Variants in DNAH7 observed in about 807,000 individuals in gnomAD.
DNAH7 encodes axonemal beta dynein heavy chain 7.
DNAH7 carries 397 observed loss-of-function variants against 444.6 expected under a neutral mutation model. The observed-to-expected ratio is 0.89, with a 90% CI of 0.82 to 0.97. The LOEUF is 0.97. DNAH7 is among the 50% of genes least tolerant of loss of function. The probability of loss-of-function intolerance (pLI) is 0.00; values close to 1 mark genes in which losing one functional copy is unlikely to be tolerated. For missense variants in DNAH7, 4,902 were observed against 4,800.8 expected, an observed-to-expected ratio of 1.02 and a Z score of -0.62; for synonymous variants, 1,636 against 1,624.4, an observed-to-expected ratio of 1.01 and a Z score of -0.17.
At chr2:195,803,773 T>C (rs1696583175) in intron 54 of DNAH7, among the ~76,000 whole-genome samples, 2 of 152,212 alleles carry the variant, frequency 1.3e-5, no homozygotes, top group Non-Finnish European at 2.9e-5. Context: ...GCTGATTAAT[T>C]TGCTGTTTGT....
intron 24 of DNAH7, among the ~76,000 whole-genome samples, chr2:195,912,779 T>G (rs1292342428): frequency 6.6e-6 from 1 of 152,166 alleles, no homozygotes; most frequent in African/African-American, 2.4e-5. Context: ...TTTCTCCCCT[T>G]CAACCTCCAA....
rs62623378 is a variant in DNAH7, at chr2:195,957,280, A to G, written c.3059T>C (p.Ile1020Thr). The G allele has an allele frequency of 0.098, 153,985 of 1,563,484 alleles. 8,409 individuals carry two copies. Among genetic ancestry groups the G allele is most frequent in the Middle Eastern group, 0.18 (985 of 5,404 alleles). ...ACCTACCTGCATGACACTTCTCATTATATCTCTCCATGTCTTATCCACAGC... is the reference window on the plus strand; with the variant it reads ...ACCTACCTGCATGACACTTCTCATTGTATCTCTCCATGTCTTATCCACAGC... ...FTAVDKTWRD[I>T]MRSVMQDKHV... Residue 1020 changes from isoleucine to threonine, a missense_variant, in exon 19 of 65, where the codon ATA (isoleucine) becomes ACA (threonine). Transcript: ENST00000312428.
intron 51 of DNAH7, among the ~76,000 whole-genome samples, chr2:195,812,560 T>C (rs1358014717): frequency 6.6e-6 from 1 of 151,010 alleles, no homozygotes; most frequent in Non-Finnish European, 1.5e-5. Flanking sequence ...TAAAATCTTA[T>C]AAATAACAGA....
chr2:196,056,718 G>T (rs1697832197), intron 2 of DNAH7, among the ~76,000 whole-genome samples: 1 of 152,184 alleles, frequency 6.6e-6, no homozygotes. Flanking sequence ...ATAGCCCATG[G>T]TTGTGTGGCC....
In DNAH7 at chr2:195,987,052, T is replaced by C. The variant is rs1692958309; in HGVS notation, c.1754+14A>G. 6.4e-7 allele frequency: 1 copy of C among 1,567,258 alleles called. No individual in the cohort carries two copies. The highest frequency in any genetic ancestry group is 8.6e-7 in the Non-Finnish European group (1 of 1,164,442). ...CCCTCCCAAAAAATAAAAAAACCAG[T>C]ATCACATAAATACCTTGTATTTACT... On this transcript the variant is annotated intron_variant, in intron 14 of 64. Transcript: ENST00000312428.
intron 5 of DNAH7, among the ~76,000 whole-genome samples, chr2:196,034,175 G>C (rs186487745): frequency 8.9e-4 from 136 of 152,206 alleles, no homozygotes; most frequent in African/African-American, 3.1e-3. Flanking sequence ...ACTTTTAAAA[G>C]CTCTAAAATA....
At chr2:195,985,241 T>C (rs1692827495) in intron 14 of DNAH7, among the ~76,000 whole-genome samples, 1 of 152,066 alleles carries the variant, frequency 6.6e-6, no homozygotes, top group Non-Finnish European at 1.5e-5. Flanking sequence ...CTAAGGGAGT[T>C]CAAATGAAAC....
intron 2 of DNAH7, among the ~76,000 whole-genome samples, chr2:196,051,564 G>A (rs556078590): frequency 3.3e-5 from 5 of 152,054 alleles, no homozygotes; most frequent in Non-Finnish European, 5.9e-5. Context: ...TCAGGAGATC[G>A]AGACCATCCT....
chr2:196,033,821 T>C (rs375045237), intron 5 of DNAH7, among the ~76,000 whole-genome samples: 2 of 152,224 alleles, frequency 1.3e-5, no homozygotes, highest in Non-Finnish European at 2.9e-5. Context: ...ATGAGATTGC[T>C]AGATCATATG....
chr2:195,814,053 G>A (rs13035759), intron 51 of DNAH7, among the ~76,000 whole-genome samples: 78,842 of 152,014 alleles, frequency 0.52, 21,270 homozygotes, highest in Non-Finnish European at 0.61. Context: ...GGGGGAGAGG[G>A]TTAGTGATCA....
intron 63 of DNAH7, among the ~76,000 whole-genome samples, chr2:195,743,931 A>G (rs842732): frequency 1 from 152,346 of 152,374 alleles, 76,159 homozygotes; most frequent in Middle Eastern, 1. Context: ...CCCAGCATGA[A>G]TGACACAGAA....
intron 21 of DNAH7, among the ~76,000 whole-genome samples, chr2:195,928,949 AAT>A (rs900804930): frequency 6.6e-6 from 1 of 152,128 alleles, no homozygotes; most frequent in Non-Finnish European, 1.5e-5. Context: ...CTTCACTGGC[AAT>A]ATGATTCTAC....
chr2:195,970,645 T>C (rs912882423), intron 16 of DNAH7, among the ~76,000 whole-genome samples: 2 of 152,188 alleles, frequency 1.3e-5, no homozygotes, highest in Non-Finnish European at 2.9e-5. Context: ...ATTTAAACAC[T>C]TAAAAACTAT....
chr2:195,844,371 T>C (rs1698862606), intron 47 of DNAH7, among the ~76,000 whole-genome samples: 1 of 152,136 alleles, frequency 6.6e-6, no homozygotes, highest in Non-Finnish European at 1.5e-5. Flanking sequence ...AGGCTCACGG[T>C]AATGTGAACT....
At chr2:195,865,102 G>A in intron 40 of DNAH7, 81 bp from the exon 41 acceptor site, 2 of 1,367,130 alleles carry the variant, frequency 1.5e-6, no homozygotes, top group South Asian at 1.6e-5. Context: ...CTAATCTCAG[G>A]TAATAAAAAT....
intron 63 of DNAH7, among the ~76,000 whole-genome samples, chr2:195,750,161 C>T (rs911167366): frequency 6.6e-6 from 1 of 152,118 alleles, no homozygotes; most frequent in African/African-American, 2.4e-5. Flanking sequence ...TTTTACTCCA[C>T]TGTTTTCAAG....
rs61502519 is a variant in DNAH7, at chr2:195,897,767, TAAA to T, written c.4549-5_4549-3del. 2.4e-3 allele frequency: 2,705 copies of T among 1,138,928 alleles called. No individual in the cohort carries two copies. The highest frequency in any genetic ancestry group is 3.8e-3 in the South Asian group (228 of 60,782). 70.6% of individuals were successfully genotyped at this position (1,138,928 alleles called of 1,614,324 possible). A position where few individuals can be genotyped will look rare whatever the true frequency, so the allele number is the denominator to read the frequency against. ...TTCATTTTCATTTGGATATTTCAGC[TAAA>T]AAAAAAAAAAAAAACTCATGAGGAT... is the stretch of plus-strand genomic sequence containing the variant. On this transcript the variant is annotated splice_region_variant and splice_polypyrimidine_tract_variant and intron_variant, in intron 28 of 64. Coordinates refer to ENST00000312428, the MANE Select transcript of DNAH7 (RefSeq NM_018897.3).
intron 58 of DNAH7, among the ~76,000 whole-genome samples, chr2:195,780,753 A>T (rs895958306): frequency 2.0e-5 from 3 of 151,150 alleles, no homozygotes; most frequent in Non-Finnish European, 4.4e-5. Context: ...TCTGTCTCAA[A>T]ATATATATAT....
rs1277464450 is a variant in DNAH7, at chr2:195,906,743, T to C, written c.4251A>G (p.Glu1417=). The change falls in exon 27 of 65, where the codon GAA becomes GAG. Residue 1417 remains glutamate (E), a synonymous_variant. Transcript: ENST00000312428. ...CAGCACATGTGGGGTCAAGTTTTAG[T>C]TCAGTTCCTTCAAACATCAGTATAT... is the stretch of plus-strand genomic sequence containing the variant. ...GADILMFEGT[E]LKLDPTCAVF... The C allele has an allele frequency of 6.2e-7, 1 of 1,613,514 alleles. No homozygotes were observed. The highest frequency in any genetic ancestry group is 1.3e-5 in the African/African-American group (1 of 74,986).
Sources: allele counts gnomAD v4.1 joint callset (sites outside exome capture counted in the v4.1 genomes callset), GRCh38; gene constraint gnomAD v4.1.1; transcripts MANE v1.5; gene names NCBI Gene and HGNC (gene_info 2026-07-23, HGNC 2026-07-21).